Variants in CDADC1 observed in about 807,000 individuals in gnomAD.
CDADC1 encodes dCTP deaminase.
A neutral mutation model predicts 54.9 loss-of-function variants in CDADC1; 39 were observed. That is an observed-to-expected ratio of 0.71 (90% CI 0.55 to 0.93). CDADC1 has a LOEUF of 0.93. Among genes scored for constraint, CDADC1 ranks in the 40% least tolerant of loss-of-function variants. The pLI is 0.00. For missense variants in CDADC1, 518 were observed against 618.8 expected, an observed-to-expected ratio of 0.84 and a Z score of 1.73; for synonymous variants, 186 against 204.0, an observed-to-expected ratio of 0.91 and a Z score of 0.75.
chr13:49,291,890 T>C lies in CDADC1; in HGVS notation c.*133T>C, dbSNP rs1158763243. On this transcript the variant is annotated 3_prime_UTR_variant, in exon 10 of 10. Coordinates refer to ENST00000251108, the MANE Select transcript of CDADC1 (RefSeq NM_030911.4). The stretch of plus-strand genomic sequence containing the variant: ...AGATTTTTTAAGGAAGCTAATTTAT[T>C]TCTAGGATACAAATGGTGTTAATAA... The C allele has an allele frequency of 4.2e-6, 6 of 1,435,596 alleles. No individual in the cohort carries two copies. The highest frequency in any genetic ancestry group is 5.5e-6 in the Non-Finnish European group (6 of 1,092,982). The allele number at this position is 1,435,596 out of a possible 1,614,324, so 88.9% of individuals were successfully genotyped here.
At position 49,291,813 on chromosome 13, in the gene CDADC1, A is replaced by G; in HGVS notation, c.*56A>G. ...AAGAACTTTTCATTGCACTTCTAAA[A>G]TTCAGCCTTGTTCATTCAGAAAATA... On this transcript the variant is annotated 3_prime_UTR_variant, in exon 10 of 10. Transcript: ENST00000251108. The G allele has an allele frequency of 6.3e-7, 1 of 1,576,100 alleles. No homozygotes were observed. The highest frequency in any genetic ancestry group is 2.3e-5 in the East Asian group (1 of 44,342).
Position 49,278,370 on chromosome 13 carries a change from TGCCATG to T in CDADC1, c.1072_1077del (p.Ala358_Met359del). The T allele has an allele frequency of 1.9e-6, 3 of 1,567,656 alleles. No individual in the cohort carries two copies. The highest frequency in any genetic ancestry group is 2.6e-6 in the Non-Finnish European group (3 of 1,146,482). ...CGTAGAGAAGTTGTGATGGAACAGG[TGCCATG>T]TACTTTGTAGGATGTGGTTACAATG... On this transcript the variant is annotated inframe_deletion, in exon 7 of 10. Coordinates refer to ENST00000251108, the MANE Select transcript of CDADC1 (RefSeq NM_030911.4).
At chr13:49,264,019 C>T (rs1056982510) in intron 4 of CDADC1, among the ~76,000 whole-genome samples, 5 of 152,182 alleles carry the variant, frequency 3.3e-5, no homozygotes, top group Non-Finnish European at 5.9e-5. Flanking sequence ...ATAAGGTCAA[C>T]CACCTGGGAA....
intron 2 of CDADC1, 58 bp downstream of exon 2, chr13:49,249,023 T>C: frequency 9.2e-7 from 1 of 1,090,286 alleles, no homozygotes; most frequent in Non-Finnish European, 1.4e-6. Flanking sequence ...AATCTGAGTT[T>C]ATTGCTCCAG....
intron 5 of CDADC1, among the ~76,000 whole-genome samples, chr13:49,273,595 T>C (rs140397898): frequency 1.4e-3 from 208 of 152,352 alleles, no homozygotes; most frequent in African/African-American, 4.8e-3. Flanking sequence ...TATAATCTTA[T>C]GTTTGTTTAT....
chr13:49,291,844 G>A lies in CDADC1; in HGVS notation c.*87G>A. 2.0e-6 allele frequency: 3 copies of A among 1,502,742 alleles called. No homozygotes were observed. The highest frequency in any genetic ancestry group is 1.3e-5 in the South Asian group (1 of 74,110). 93.1% of individuals were successfully genotyped at this position (1,502,742 alleles called of 1,614,324 possible). A position where few individuals can be genotyped will look rare whatever the true frequency, so the allele number is the denominator to read the frequency against. ...CCTTGTTCATTCAGAAAATAAGGAT[G>A]GATTTTGTGAATAATTGAAAAGATT... On this transcript the variant is annotated 3_prime_UTR_variant, in exon 10 of 10. Coordinates refer to ENST00000251108, the MANE Select transcript of CDADC1 (RefSeq NM_030911.4).
chr13:49,277,758 C>T (rs1363219795), intron 6 of CDADC1, among the ~76,000 whole-genome samples: 2 of 152,016 alleles, frequency 1.3e-5, no homozygotes, highest in Admixed American at 1.3e-4. Flanking sequence ...GTAAGAAGTT[C>T]TATAATAATA....
chr13:49,259,490 C>T lies in CDADC1; in HGVS notation c.397C>T (p.Pro133Ser). 6.2e-7 allele frequency: 1 copy of T among 1,613,878 alleles called. No individual in the cohort carries two copies. The highest frequency in any genetic ancestry group is 1.1e-5 in the South Asian group (1 of 91,060). ...CTGTGATCTTTATTTTTCCAGAAAACCATGTTCTGCTTGTTTGAAAATGAT... is the reference window on the plus strand; with the variant it reads ...CTGTGATCTTTATTTTTCCAGAAAATCATGTTCTGCTTGTTTGAAAATGAT... ...KNCDLYFSRK[P>S]CSACLKMIVN... The change falls in exon 4 of 10, where the codon CCA becomes TCA. Residue 133 changes from proline to serine, a missense_variant. Transcript: ENST00000251108.
chr13:49,248,588 T>G (rs955695513), intron 1 of CDADC1: 3 of 377,700 alleles, frequency 7.9e-6, no homozygotes, highest in African/African-American at 6.1e-5. Context: ...ACAGCTTGCT[T>G]TGGGTTGTCC....
chr13:49,258,141 A>G (rs1340710965), intron 3 of CDADC1, among the ~76,000 whole-genome samples: 2 of 152,386 alleles, frequency 1.3e-5, no homozygotes, highest in Admixed American at 6.5e-5. Context: ...ATAGTTTACA[A>G]ATTATTCTCC....
intron 2 of CDADC1, among the ~76,000 whole-genome samples, chr13:49,252,721 T>A (rs1952462825): frequency 1.3e-5 from 2 of 152,242 alleles, no homozygotes; most frequent in African/African-American, 2.4e-5. Flanking sequence ...TTCCTTTTTG[T>A]ACTAGTTAAT....
In CDADC1 at chr13:49,248,880, C is replaced by G; in HGVS notation, c.92C>G (p.Pro31Arg). 6.2e-7 allele frequency: 1 copy of G among 1,603,266 alleles called. No homozygotes were observed. Among genetic ancestry groups the G allele is most frequent in the Non-Finnish European group, 8.5e-7 (1 of 1,170,112 alleles). The change falls in exon 2 of 10, where the codon CCA becomes CGA. Residue 31 changes from proline (P) to arginine (R), a missense_variant. Coordinates refer to ENST00000251108, the MANE Select transcript of CDADC1 (RefSeq NM_030911.4). ...TQTGSMTGQI[P>R]RLSKVNLFTL... ...GTCGTCTCTTTTGTAGGTCAGATAC[C>G]AAGGCTTTCTAAAGTCAACCTTTTC...
At chr13:49,256,826 T>A (rs1455599261) in intron 3 of CDADC1, among the ~76,000 whole-genome samples, 1 of 152,148 alleles carries the variant, frequency 6.6e-6, no homozygotes, top group Non-Finnish European at 1.5e-5. Context: ...ATAGAAATAA[T>A]TTGTCTCAGA....
In CDADC1 at chr13:49,247,988, A is replaced by C. The variant is rs1430997406; in HGVS notation, c.-50A>C. 15 of 1,510,664 alleles carry C rather than the reference A, an allele frequency of 9.9e-6. No homozygotes were observed. The South Asian group carries it at 1.4e-4, about 15-fold the overall frequency. 93.6% of individuals were successfully genotyped at this position (1,510,664 alleles called of 1,614,324 possible). Reference sequence around the variant, plus strand: ...AGGCGGGGGCGCTAGGGCCGAGATCATGTCTGACTGGGAGAGGTTTCCTTG... The same window carrying C: ...AGGCGGGGGCGCTAGGGCCGAGATCCTGTCTGACTGGGAGAGGTTTCCTTG... On this transcript the variant is annotated 5_prime_UTR_variant, in exon 1 of 10. An upstream start codon of the reference 5' UTR is lost. Coordinates refer to ENST00000251108, the MANE Select transcript of CDADC1 (RefSeq NM_030911.4).
At chr13:49,272,752 G>A in intron 5 of CDADC1, among the ~76,000 whole-genome samples, 1 of 150,634 alleles carries the variant, frequency 6.6e-6, no homozygotes, top group East Asian at 1.9e-4. Context: ...CCGCCTCCCA[G>A]GTTTAAGCAA....
At chr13:49,277,372 G>A (rs923558846) in intron 6 of CDADC1, among the ~76,000 whole-genome samples, 1 of 152,126 alleles carries the variant, frequency 6.6e-6, no homozygotes, top group East Asian at 1.9e-4. Flanking sequence ...TTGGGAGGCT[G>A]AGATGGGAGG....
chr13:49,292,870 C>A lies in CDADC1; in HGVS notation c.*1113C>A. ...CCTCTGCTTTTGTTCCCTGCCTTTCCGCCACATCACACGGCCTCACTGGGC... is the reference window on the plus strand; with the variant it reads ...CCTCTGCTTTTGTTCCCTGCCTTTCAGCCACATCACACGGCCTCACTGGGC... On this transcript the variant is annotated 3_prime_UTR_variant, in exon 10 of 10. Transcript: ENST00000251108. The A allele has an allele frequency of 1.0e-6, 1 of 982,188 alleles. No individual in the cohort carries two copies. Among genetic ancestry groups the A allele is most frequent in the Non-Finnish European group, 1.4e-6 (1 of 734,682 alleles). 60.8% of individuals were successfully genotyped at this position (982,188 alleles called of 1,614,324 possible).
chr13:49,292,089 T>C lies in CDADC1; in HGVS notation c.*332T>C. 1 of 1,073,832 alleles carries C rather than the reference T, an allele frequency of 9.3e-7. No individual in the cohort carries two copies. The highest frequency in any genetic ancestry group is 1.1e-6 in the Non-Finnish European group (1 of 883,592). 66.5% of individuals were successfully genotyped at this position (1,073,832 alleles called of 1,614,324 possible). On this transcript the variant is annotated 3_prime_UTR_variant, in exon 10 of 10. Transcript: ENST00000251108. ...TTGAAAGGGTCTGCTTCACAAGAGGTCATGCCTCTGCAGGGAATCACACAC... is the reference window on the plus strand; with the variant it reads ...TTGAAAGGGTCTGCTTCACAAGAGGCCATGCCTCTGCAGGGAATCACACAC...
intron 4 of CDADC1, among the ~76,000 whole-genome samples, chr13:49,265,233 T>C (rs73481331): frequency 6.6e-6 from 1 of 152,350 alleles, no homozygotes; most frequent in African/African-American, 2.4e-5. Context: ...GTACTTTGAT[T>C]ATATGATGTA....
Sources: gnomAD v4.1 joint callset for allele counts (sites outside exome capture counted in the v4.1 genomes callset) on GRCh38, gnomAD v4.1.1 for gene constraint, MANE v1.5 for transcripts, NCBI Gene and HGNC (gene_info 2026-07-23, HGNC 2026-07-21) for gene names.